Variants in MED12L observed in about 807,000 individuals in gnomAD.
The protein encoded by MED12L is mediator of RNA polymerase II transcription subunit 12-like protein.
A neutral mutation model predicts 281.3 loss-of-function variants in MED12L; 60 were observed. The observed-to-expected ratio is 0.21, with a 90% CI of 0.17 to 0.26. The LOEUF (loss-of-function observed/expected upper bound fraction) is 0.26, where lower values mean the gene tolerates loss of function less well. Among genes scored for constraint, MED12L ranks in the 10% least tolerant of loss-of-function variants. The pLI is 1.00. For missense variants in MED12L, 2,146 were observed against 2,680.9 expected, an observed-to-expected ratio of 0.80 and a Z score of 4.41; for synonymous variants, 974 against 987.2, an observed-to-expected ratio of 0.99 and a Z score of 0.25.
intron 5 of MED12L, among the ~76,000 whole-genome samples, chr3:151,153,476 A>G (rs1188708024): frequency 6.6e-6 from 1 of 151,502 alleles, no homozygotes; most frequent in Non-Finnish European, 1.5e-5. Flanking sequence ...TAGCTTGCAT[A>G]GTCACTTTCT....
chr3:151,261,650 A>C (rs1738903007), intron 16 of MED12L, among the ~76,000 whole-genome samples: 1 of 151,862 alleles, frequency 6.6e-6, no homozygotes, highest in African/African-American at 2.4e-5. Context: ...CCATTCCTGA[A>C]ACTCAGCCTC....
chr3:151,384,310 A>C, intron 35 of MED12L, 92 bp downstream of exon 35: 1 of 1,260,932 alleles, frequency 7.9e-7, no homozygotes, highest in Non-Finnish European at 1.1e-6. Context: ...AAATGTTATT[A>C]ATTGTATTCA....
intron 11 of MED12L, 55 bp downstream of exon 11, chr3:151,166,037 T>C: frequency 1.3e-6 from 2 of 1,483,980 alleles, no homozygotes; most frequent in Non-Finnish European, 9.2e-7. Flanking sequence ...TGTTTTTTTC[T>C]TCTTTCTCAT....
chr3:151,211,845 C>T (rs901451077), intron 16 of MED12L, among the ~76,000 whole-genome samples: 3 of 152,056 alleles, frequency 2.0e-5, no homozygotes, highest in Non-Finnish European at 4.4e-5. Flanking sequence ...AGAGTTTCGC[C>T]ATGTTGCCCA....
chr3:151,112,649 T>C (rs551537019), intron 2 of MED12L, among the ~76,000 whole-genome samples: 1 of 152,318 alleles, frequency 6.6e-6, no homozygotes, highest in Admixed American at 6.5e-5. Flanking sequence ...GAGCATTATA[T>C]TGATTAAAAA....
intron 20 of MED12L, among the ~76,000 whole-genome samples, chr3:151,359,491 C>T (rs1248196065): frequency 1.3e-5 from 2 of 152,050 alleles, no homozygotes; most frequent in African/African-American, 4.8e-5. Flanking sequence ...CCATTGTCCT[C>T]CTTGGCCTAG....
At chr3:151,205,064 G>T (rs1240139738) in intron 16 of MED12L, among the ~76,000 whole-genome samples, 2 of 152,148 alleles carry the variant, frequency 1.3e-5, no homozygotes, top group Non-Finnish European at 2.9e-5. Context: ...ACCTGGCTTT[G>T]TGTGGAAGTT....
intron 20 of MED12L, among the ~76,000 whole-genome samples, chr3:151,358,591 ATTG>A (rs142326609): frequency 0.11 from 16,877 of 152,050 alleles, 1,230 homozygotes; most frequent in Middle Eastern, 0.17. Context: ...TGTTTTTAAT[ATTG>A]TTATTTTGAA....
intron 33 of MED12L, 44 bp from the exon 34 acceptor site, chr3:151,383,735 C>G: frequency 7.6e-7 from 1 of 1,310,816 alleles, no homozygotes; most frequent in African/African-American, 1.5e-5. Context: ...GGTGTTCTTT[C>G]TGTTTTACAG....
Position 151,242,055 on chromosome 3 carries a change from G to A in MED12L, c.2250+48389G>A, listed in dbSNP as rs371590878. ...CGGGTCACTCCCACCCGAATACTGC[G>A]CTTTTCCGACGGGCTTAAAAAACGG... On this transcript the variant is annotated intron_variant, in intron 16 of 44. Coordinates refer to ENST00000687756, the MANE Select transcript of MED12L (RefSeq NM_001393769.1). Among the ~76,000 whole-genome samples, 1,422 of 152,282 alleles carry A rather than the reference G, an allele frequency of 9.3e-3. 21 individuals carry two copies. The highest frequency in any genetic ancestry group is 0.032 in the African/African-American group (1,318 of 41,546).
chr3:151,254,179 T>G (rs1404408974), intron 16 of MED12L, among the ~76,000 whole-genome samples: 2 of 152,208 alleles, frequency 1.3e-5, no homozygotes, highest in African/African-American at 2.4e-5. Flanking sequence ...CCTGTATTTC[T>G]TATGTAACTG....
chr3:151,322,221 TG>T (rs1749076668), intron 16 of MED12L, among the ~76,000 whole-genome samples: 3 of 152,348 alleles, frequency 2.0e-5, no homozygotes, highest in African/African-American at 7.2e-5. Flanking sequence ...GGTCTTGCTC[TG>T]TCATCCAGGC....
intron 43 of MED12L, among the ~76,000 whole-genome samples, chr3:151,423,998 C>T (rs1300027729): frequency 6.6e-6 from 1 of 152,188 alleles, no homozygotes; most frequent in African/African-American, 2.4e-5. Flanking sequence ...TCAGTGATCA[C>T]TTGTGAAATT....
At chr3:151,103,346 G>A (rs1291252297) in intron 2 of MED12L, among the ~76,000 whole-genome samples, 1 of 152,202 alleles carries the variant, frequency 6.6e-6, no homozygotes, top group Non-Finnish European at 1.5e-5. Context: ...ATTTAGATAA[G>A]AGTGGAGTAA....
chr3:151,143,932 C>T (rs977423), intron 5 of MED12L, among the ~76,000 whole-genome samples: 61,428 of 152,120 alleles, frequency 0.4, 15,252 homozygotes, highest in Non-Finnish European at 0.54. Context: ...CCCTATGATA[C>T]GAATATTTCA....
rs769007071 is a variant in MED12L, at chr3:151,356,054, A to G, written c.2661+15A>G. ...TCGCAATACAGGTGTCAAAGAGACCATGTTTCTCTTACTTTTAGGAAAGCA... is the reference window on the plus strand; with the variant it reads ...TCGCAATACAGGTGTCAAAGAGACCGTGTTTCTCTTACTTTTAGGAAAGCA... On this transcript the variant is annotated intron_variant, in intron 19 of 44. Transcript: ENST00000687756. The G allele has an allele frequency of 1.9e-6, 3 of 1,598,332 alleles. No individual in the cohort carries two copies. Among genetic ancestry groups the G allele is most frequent in the Non-Finnish European group, 2.6e-6 (3 of 1,174,390 alleles).
At chr3:151,179,554 G>A (rs1420312343) in intron 11 of MED12L, among the ~76,000 whole-genome samples, 1 of 152,166 alleles carries the variant, frequency 6.6e-6, no homozygotes, top group Non-Finnish European at 1.5e-5. Flanking sequence ...TGAGAGGATG[G>A]GGTACTGTAA....
chr3:151,318,140 T>C (rs1013066591), intron 16 of MED12L, among the ~76,000 whole-genome samples: 9 of 152,126 alleles, frequency 5.9e-5, no homozygotes, highest in Non-Finnish European at 1.0e-4. Context: ...TTTTAATTTT[T>C]TTTTTTTTTA....
intron 2 of MED12L, among the ~76,000 whole-genome samples, chr3:151,116,082 A>G (rs1242637339): frequency 2.6e-5 from 4 of 151,702 alleles, no homozygotes; most frequent in Non-Finnish European, 4.4e-5. Flanking sequence ...AAAAAAAAAA[A>G]AAAAAGAATA....
Sources: allele counts gnomAD v4.1 joint callset (sites outside exome capture counted in the v4.1 genomes callset), GRCh38; gene constraint gnomAD v4.1.1; transcripts MANE v1.5; gene names NCBI Gene and HGNC (gene_info 2026-07-23, HGNC 2026-07-21).